The following FNDC3A variants were observed in gnomAD, a reference collection of about 807,000 sequenced individuals.
FNDC3A encodes the protein fibronectin type-III domain-containing protein 3A.
A neutral mutation model predicts 148.9 loss-of-function variants in FNDC3A; 32 were observed. That is an observed-to-expected ratio of 0.21 (90% confidence interval 0.16 to 0.29). The LOEUF is 0.29. Ranked by LOEUF, FNDC3A falls within the 10% of genes least tolerant of loss-of-function variation. The pLI is 1.00. For missense variants in FNDC3A, 1,191 were observed against 1,452.8 expected (o/e 0.82, Z 2.93); for synonymous variants, 472 against 473.6 (o/e 1.00, Z 0.04).
chr13:49,041,523 A>G lies in FNDC3A; in HGVS notation c.100-33766A>G, dbSNP rs1308193964. On this transcript the variant is annotated intron_variant, in intron 2 of 25. Transcript: ENST00000492622. Reference sequence around the variant, plus strand: ...TTGAACGAAAGTTTATTGAAAACCTATTATTGGCTAGGCACAGTGGCTCAC... The same window carrying G: ...TTGAACGAAAGTTTATTGAAAACCTGTTATTGGCTAGGCACAGTGGCTCAC... Among the ~76,000 whole-genome samples, 4 of 152,198 alleles carry G rather than the reference A, an allele frequency of 2.6e-5. No individual in the cohort carries two copies. In the East Asian group the frequency reaches 7.7e-4, roughly 29 times the overall value.
At chr13:48,996,550 G>T (rs1952027521) in intron 1 of FNDC3A, among the ~76,000 whole-genome samples, 1 of 152,144 alleles carries the variant, frequency 6.6e-6, no homozygotes, top group South Asian at 2.1e-4. Flanking sequence ...ATGATTTAAA[G>T]TATACAGGAG....
intron 8 of FNDC3A, among the ~76,000 whole-genome samples, chr13:49,147,567 C>T (rs190483964): frequency 7.9e-5 from 12 of 151,210 alleles, no homozygotes; most frequent in Non-Finnish European, 1.5e-4. Flanking sequence ...GGCTGGTTTG[C>T]GGCTACATAC....
intron 8 of FNDC3A, among the ~76,000 whole-genome samples, chr13:49,158,753 G>A (rs1883892102): frequency 6.6e-6 from 1 of 152,148 alleles, no homozygotes; most frequent in Non-Finnish European, 1.5e-5. Context: ...ATGGTTTTGG[G>A]TCTAACATTT....
chr13:49,172,920 CA>C (rs1286465117), intron 11 of FNDC3A, among the ~76,000 whole-genome samples: 1 of 152,092 alleles, frequency 6.6e-6, no homozygotes, highest in Admixed American at 6.6e-5. Context: ...TACATTTGTG[CA>C]AAGGTAGTTG....
chr13:49,158,342 G>T (rs1014119566), intron 8 of FNDC3A, among the ~76,000 whole-genome samples: 1 of 152,218 alleles, frequency 6.6e-6, no homozygotes, highest in South Asian at 2.1e-4. Context: ...GACCCCTTGC[G>T]CTTCCCAAGT....
At chr13:49,097,596 A>G (rs775552284) in intron 3 of FNDC3A, among the ~76,000 whole-genome samples, 1 of 152,084 alleles carries the variant, frequency 6.6e-6, no homozygotes, top group Non-Finnish European at 1.5e-5. Context: ...AGGAAGGGTA[A>G]TGCTTTAAGT....
At chr13:49,122,740 C>T (rs996149151) in intron 4 of FNDC3A, among the ~76,000 whole-genome samples, 4 of 152,102 alleles carry the variant, frequency 2.6e-5, no homozygotes, top group Non-Finnish European at 4.4e-5. Context: ...AGTGAACTCC[C>T]GTTCAAAATT....
chr13:49,084,485 T>C (rs1286963421), intron 3 of FNDC3A, among the ~76,000 whole-genome samples: 4 of 152,186 alleles, frequency 2.6e-5, no homozygotes, highest in Non-Finnish European at 4.4e-5. Flanking sequence ...TATATGAAAA[T>C]ATTGATTTAA....
intron 8 of FNDC3A, among the ~76,000 whole-genome samples, chr13:49,157,742 C>G (rs1242497851): frequency 9.8e-5 from 12 of 122,486 alleles, no homozygotes; most frequent in Non-Finnish European, 1.9e-4. Flanking sequence ...TTCTAACAGA[C>G]AGGACCCTCA....
At chr13:49,189,147 A>G (rs1413906433) in intron 17 of FNDC3A, among the ~76,000 whole-genome samples, 2 of 149,380 alleles carry the variant, frequency 1.3e-5, no homozygotes, top group African/African-American at 2.5e-5. Flanking sequence ...CTAGGGATGT[A>G]TGTTTATTAA....
chr13:49,074,284 G>A (rs1300413686), intron 2 of FNDC3A, among the ~76,000 whole-genome samples: 1 of 151,538 alleles, frequency 6.6e-6, no homozygotes, highest in Non-Finnish European at 1.5e-5. Context: ...TCATTCTTAT[G>A]CCTTTGCATC....
At chr13:49,065,035 C>T (rs910835081) in intron 2 of FNDC3A, among the ~76,000 whole-genome samples, 2 of 152,168 alleles carry the variant, frequency 1.3e-5, no homozygotes, top group Admixed American at 6.5e-5. Context: ...TGTTGTGTAA[C>T]AAACCAACTC....
At chr13:49,123,583 A>AT (rs1566265868) in intron 4 of FNDC3A, among the ~76,000 whole-genome samples, 1 of 151,824 alleles carries the variant, frequency 6.6e-6, no homozygotes, top group African/African-American at 2.4e-5. Context: ...AAGGGAGAAA[A>AT]TTTTTTCAAT....
chr13:49,138,763 T>A lies in FNDC3A; in HGVS notation c.777T>A (p.Thr259=), dbSNP rs760134663. 6.7e-7 allele frequency: 1 copy of A among 1,494,216 alleles called. No homozygotes were observed. The highest frequency in any genetic ancestry group is 1.3e-5 in the South Asian group (1 of 78,040). The allele number at this position is 1,494,216 out of a possible 1,614,324, so 92.6% of individuals were successfully genotyped here. ...DTEIEEKDEE[T]KAFEALLSNI... ...TTTTTTAAGAAAAAGATGAAGAAAC[T>A]AAAGCATTTGAAGCACTTCTTTCCA... The change falls in exon 7 of 26, where the codon ACT becomes ACA. Residue 259 remains threonine, a synonymous_variant. Coordinates refer to ENST00000492622, the MANE Select transcript of FNDC3A (RefSeq NM_001079673.2).
chr13:49,103,162 A>G (rs1017906115), intron 3 of FNDC3A, among the ~76,000 whole-genome samples: 1 of 152,248 alleles, frequency 6.6e-6, no homozygotes, highest in African/African-American at 2.4e-5. Flanking sequence ...AAAGAGGTTA[A>G]GTAACTTGAA....
At chr13:49,134,447 A>G (rs1388397061) in intron 5 of FNDC3A, among the ~76,000 whole-genome samples, 1 of 151,990 alleles carries the variant, frequency 6.6e-6, no homozygotes, top group African/African-American at 2.4e-5. Context: ...TAGCTGATGG[A>G]CCTTTGGGTT....
chr13:48,999,768 G>A (rs1005986724), intron 1 of FNDC3A, among the ~76,000 whole-genome samples: 1 of 152,144 alleles, frequency 6.6e-6, no homozygotes, highest in East Asian at 1.9e-4. Context: ...GATGTGATTA[G>A]TGTTCATATA....
At chr13:49,123,155 G>A (rs915707651) in intron 4 of FNDC3A, among the ~76,000 whole-genome samples, 3 of 152,012 alleles carry the variant, frequency 2.0e-5, no homozygotes, top group African/African-American at 4.8e-5. Context: ...CAGATATATA[G>A]ACCAGTGGAA....
chr13:49,188,700 G>C (rs913041259), intron 17 of FNDC3A, 67 bp downstream of exon 17: 1 of 934,402 alleles, frequency 1.1e-6, no homozygotes, highest in South Asian at 1.4e-5. Context: ...GGATCACCAG[G>C]TGCCACTTCA....
Sources: allele counts gnomAD v4.1 joint callset (sites outside exome capture counted in the v4.1 genomes callset), GRCh38; gene constraint gnomAD v4.1.1; transcripts MANE v1.5; gene names NCBI Gene and HGNC (gene_info 2026-07-23, HGNC 2026-07-21).